The following GATA4 variants were observed in gnomAD, a reference collection of about 807,000 sequenced individuals.
GATA4 encodes GATA binding protein 4.
Under a neutral mutation model 37.9 loss-of-function variants are expected in GATA4, and 7 were observed. That is an observed-to-expected ratio of 0.18 (90% CI 0.11 to 0.35). The LOEUF (loss-of-function observed/expected upper bound fraction) is 0.35, where lower values mean the gene tolerates loss of function less well. GATA4 is among the 10% of genes least tolerant of loss of function. The probability of loss-of-function intolerance (pLI) is 1.00; values close to 1 mark genes in which losing one functional copy is unlikely to be tolerated. For synonymous variants in GATA4, 372 were observed against 292.6 expected (o/e 1.27, Z -2.77); for missense variants, 647 against 653.0 (o/e 0.99, Z 0.10).
chr8:11,702,626 T>C (rs74319135), upstream of GATA4, among the ~76,000 whole-genome samples: 4,764 of 149,526 alleles, frequency 0.032, 217 homozygotes, highest in South Asian at 0.094. This position sits in a 1 kb window ranked among gnomAD's most constrained non-coding sequence, Gnocchi z 4.4. Context: ...AGCCTTAAGT[T>C]CCCACGTTTC....
At chr8:11,726,440 A>T (rs1800928554) in intron 2 of GATA4, among the ~76,000 whole-genome samples, 1 of 152,208 alleles carries the variant, frequency 6.6e-6, no homozygotes, top group African/African-American at 2.4e-5. Flanking sequence ...CAGGGCAGTG[A>T]GGTGTGGCCA....
intron 2 of GATA4, among the ~76,000 whole-genome samples, chr8:11,711,792 T>C (rs906801258): frequency 2.0e-5 from 3 of 151,650 alleles, no homozygotes; most frequent in African/African-American, 7.3e-5. Context: ...GTGAATGTGC[T>C]TTTTATATGT....
At chr8:11,690,914 C>A (rs766452507), upstream of GATA4, among the ~76,000 whole-genome samples, 3 of 152,366 alleles carry the variant, frequency 2.0e-5, no homozygotes, top group Non-Finnish European at 4.4e-5. Flanking sequence ...ATACCCTGCA[C>A]AATACCAATG....
At chr8:11,692,690 G>A (rs1450010121) in intron 1 of GATA4, 8 of 984,904 alleles carry the variant, frequency 8.1e-6, no homozygotes, top group African/African-American at 3.5e-5. Context: ...GGTGAGGGGT[G>A]CGGGGCTGCT....
In GATA4 at chr8:11,681,503, G is replaced by C. The variant is rs868385168; in HGVS notation, c.-274+4440G>C. On this transcript the variant is annotated intron_variant, in intron 1 of 6. Coordinates refer to the GATA4 transcript ENST00000528712. Reference sequence around the variant, plus strand: ...GGGTGCGGCGCTCGCGGGGGGGGGGGGGGGGATGGGGTCGGTCCCTCTCGG... The same window carrying C: ...GGGTGCGGCGCTCGCGGGGGGGGGGCGGGGGATGGGGTCGGTCCCTCTCGG... 8 of 923,814 alleles carry C rather than the reference G, an allele frequency of 8.7e-6. 1 individual carries two copies. The African/African-American group carries it at 1.6e-4, about 19-fold the overall frequency. The allele number at this position is 923,814 out of a possible 1,614,324, so 57.2% of individuals were successfully genotyped here.
At chr8:11,711,766 A>C (rs1448803761) in intron 2 of GATA4, among the ~76,000 whole-genome samples, 1 of 151,918 alleles carries the variant, frequency 6.6e-6, no homozygotes, top group Non-Finnish European at 1.5e-5. Context: ...AAAAAAAAAA[A>C]AAAAAACCAG....
At chr8:11,681,551 A>C in intron 1 of GATA4, 5 of 746,402 alleles carry the variant, frequency 6.7e-6, no homozygotes, top group Non-Finnish European at 8.2e-6. Flanking sequence ...TTGTTTCTTT[A>C]GATACTGAAT....
At chr8:11,710,443 C>T (rs1218975927) in intron 2 of GATA4, among the ~76,000 whole-genome samples, 6 of 151,534 alleles carry the variant, frequency 4.0e-5, no homozygotes, top group Admixed American at 3.9e-4. Context: ...TCTGGGGCCT[C>T]TGACTTAAAA....
chr8:11,751,292 C>G (rs1802289528), intron 4 of GATA4, among the ~76,000 whole-genome samples: 1 of 152,032 alleles, frequency 6.6e-6, no homozygotes, highest in Non-Finnish European at 1.5e-5. Flanking sequence ...GCAAGGTGCC[C>G]AACACTACCT....
chr8:11,694,424 G>A (rs1799440499), intron 1 of GATA4: 1 of 956,540 alleles, frequency 1.0e-6, no homozygotes, highest in Admixed American at 6.2e-5. Flanking sequence ...TGGCCCTCAG[G>A]GATCCTTTCT....
At chr8:11,693,554 CACACACACAGAGAGAGAGAG>C (rs890297740) in intron 1 of GATA4, among the ~76,000 whole-genome samples, 6 of 113,218 alleles carry the variant, frequency 5.3e-5, no homozygotes, top group African/African-American at 1.9e-4. Flanking sequence ...CACACACACA[CACACACACAGAGAGAGAGAG>C]AGAGAGAGAG....
At chr8:11,719,405 A>C (rs1435355963) in intron 2 of GATA4, among the ~76,000 whole-genome samples, 3 of 152,178 alleles carry the variant, frequency 2.0e-5, no homozygotes, top group Non-Finnish European at 4.4e-5. Flanking sequence ...GTTCCCACGG[A>C]GTGCACAGAT....
At position 11,758,810 on chromosome 8, in the gene GATA4, G is replaced by T; in HGVS notation, c.*335G>T. ...CCGTGGGTTTTGCATTGTGTTTCTA[G>T]CACCGAGGATCTGAGAACAAGCGGA... On this transcript the variant is annotated 3_prime_UTR_variant, in exon 7 of 7. Coordinates refer to ENST00000532059, the MANE Select transcript of GATA4 (RefSeq NM_001308093.3). 2.7e-6 allele frequency: 1 copy of T among 376,650 alleles called. No individual in the cohort carries two copies. Among genetic ancestry groups the T allele is most frequent in the Non-Finnish European group, 5.1e-6 (1 of 196,532 alleles). 23.3% of individuals were successfully genotyped at this position (376,650 alleles called of 1,614,324 possible).
intron 2 of GATA4, among the ~76,000 whole-genome samples, chr8:11,715,812 C>T (rs1800411314): frequency 6.6e-6 from 1 of 152,136 alleles, no homozygotes; most frequent in South Asian, 2.1e-4. Flanking sequence ...AATACCTTTG[C>T]ATTGCTGTGT....
At chr8:11,738,603 C>G (rs1002819077) in intron 2 of GATA4, among the ~76,000 whole-genome samples, 5 of 152,176 alleles carry the variant, frequency 3.3e-5, no homozygotes, top group South Asian at 2.1e-4. Context: ...AGTGAATATC[C>G]TTGTATATAA....
chr8:11,724,445 G>A (rs888894547), intron 2 of GATA4, among the ~76,000 whole-genome samples: 2 of 152,170 alleles, frequency 1.3e-5, no homozygotes, highest in African/African-American at 2.4e-5. Context: ...ACATCTGTCA[G>A]TCTTTCCAAA....
upstream of GATA4, among the ~76,000 whole-genome samples, chr8:11,689,156 C>T (rs185759887): frequency 3.9e-5 from 6 of 152,306 alleles, no homozygotes; most frequent in East Asian, 7.7e-4. Flanking sequence ...TTCACTGTCC[C>T]TCCCCAGGGA....
At position 11,756,820 on chromosome 8, in the gene GATA4, C is replaced by T. The variant is rs3729854; in HGVS notation, c.1001-115C>T. 0.33 allele frequency: 461,543 copies of T among 1,400,732 alleles called. 79,104 individuals carry two copies. The highest frequency in any genetic ancestry group is 0.38 in the Admixed American group (22,925 of 59,660). 86.8% of individuals were successfully genotyped at this position (1,400,732 alleles called of 1,614,324 possible). ...CAGATAAGGACCTCTGCTGCTGTCCCCGGCAAATGTAGATAAAGCCATTAG... is the reference window on the plus strand; with the variant it reads ...CAGATAAGGACCTCTGCTGCTGTCCTCGGCAAATGTAGATAAAGCCATTAG... On this transcript the variant is annotated intron_variant, in intron 5 of 6. Coordinates refer to ENST00000532059, the MANE Select transcript of GATA4 (RefSeq NM_001308093.3).
chr8:11,681,378 A>T, intron 1 of GATA4: 2 of 982,336 alleles, frequency 2.0e-6, no homozygotes, highest in Non-Finnish European at 2.4e-6. Flanking sequence ...TCTCATAAAA[A>T]CTCCTGGCAG....
Sources: allele counts gnomAD v4.1 joint callset (sites outside exome capture counted in the v4.1 genomes callset), GRCh38; gene constraint gnomAD v4.1.1; non-coding constraint Gnocchi (gnomAD v3.1); transcripts MANE v1.5; gene names NCBI Gene and HGNC (gene_info 2026-07-23, HGNC 2026-07-21).